Variants in PHF24 observed in about 807,000 individuals in gnomAD.
The protein encoded by PHF24 is Galpha inhibitory interacting protein.
Under a neutral mutation model 42.6 loss-of-function variants are expected in PHF24, and 25 were observed. The ratio of observed to expected loss-of-function variants is 0.59; its 90% confidence interval spans 0.43 to 0.82. PHF24 has a LOEUF of 0.82. PHF24 is among the 40% of genes least tolerant of loss of function. PHF24 has a pLI of 0.00. For synonymous variants in PHF24, 185 were observed against 204.8 expected, an observed-to-expected ratio of 0.90 and a Z score of 0.83; for missense variants, 470 against 538.1, an observed-to-expected ratio of 0.87 and a Z score of 1.25.
At chr9:34,824,246 G>A in the PHF24 span, among the ~76,000 whole-genome samples, 2 of 152,004 alleles carry the variant, frequency 1.3e-5, no homozygotes, top group African/African-American at 2.4e-5. Context: ...GAGTCTGGGG[G>A]CATGGCTGTT....
At chr9:34,907,731 T>G in the PHF24 span, among the ~76,000 whole-genome samples, 1 of 152,308 alleles carries the variant, frequency 6.6e-6, no homozygotes, top group South Asian at 2.1e-4. Context: ...AATCCTCTTT[T>G]TGGATTGTCT....
the PHF24 span, chr9:34,710,118 C>G: frequency 6.5e-7 from 1 of 1,540,612 alleles, no homozygotes; most frequent in Middle Eastern, 1.7e-4. Flanking sequence ...AGGTGGGCAG[C>G]TGCAAGTTGG....
the PHF24 span, chr9:34,835,480 C>A: frequency 6.4e-7 from 1 of 1,551,962 alleles, no homozygotes; most frequent in Non-Finnish European, 8.7e-7. Flanking sequence ...TATGCAAGGC[C>A]ATCGGATGCA....
At chr9:34,968,572 A>G (rs1277417327) in intron 1 of PHF24, among the ~76,000 whole-genome samples, 6 of 152,218 alleles carry the variant, frequency 3.9e-5, no homozygotes, top group Non-Finnish European at 8.8e-5. Context: ...AAGAATATGA[A>G]TTTCCTTGGT....
At chr9:34,974,947 C>T (rs150337570) in intron 3 of PHF24, among the ~76,000 whole-genome samples, 248 of 152,272 alleles carry the variant, frequency 1.6e-3, no homozygotes, top group African/African-American at 5.3e-3. Flanking sequence ...GATGCTGCCT[C>T]TAATATCTCT....
the PHF24 span, among the ~76,000 whole-genome samples, chr9:34,935,678 C>G: frequency 0.046 from 6,792 of 146,704 alleles, 197 homozygotes; most frequent in Non-Finnish European, 0.051. Flanking sequence ...GAAAGGATAA[C>G]AGAGAAAAGA....
the PHF24 span, among the ~76,000 whole-genome samples, chr9:34,939,789 C>A: frequency 6.6e-6 from 1 of 152,190 alleles, no homozygotes; most frequent in Non-Finnish European, 1.5e-5. Context: ...ATGGTTCCCA[C>A]AGACCCTTCT....
the PHF24 span, among the ~76,000 whole-genome samples, chr9:34,689,354 T>C: frequency 3.9e-5 from 6 of 152,048 alleles, no homozygotes; most frequent in Non-Finnish European, 8.8e-5. The surrounding 1 kb of genome is among the most constrained non-coding windows in gnomAD (Gnocchi z 4.1). Context: ...CATCAGGTTG[T>C]TAAGTGGAGG....
chr9:34,832,705 T>C, the PHF24 span: 20 of 1,543,090 alleles, frequency 1.3e-5, no homozygotes, highest in East Asian at 1.7e-4. Context: ...TTCTTTTGAG[T>C]ATGGGCTGGC....
the PHF24 span, among the ~76,000 whole-genome samples, chr9:34,846,512 T>A: frequency 3.9e-5 from 6 of 152,038 alleles, no homozygotes; most frequent in Non-Finnish European, 7.4e-5. Flanking sequence ...CTTTGTCAGA[T>A]GAGTAGGTTG....
chr9:34,792,153 A>G, the PHF24 span, among the ~76,000 whole-genome samples: 1 of 152,194 alleles, frequency 6.6e-6, no homozygotes, highest in Non-Finnish European at 1.5e-5. Flanking sequence ...AGGGAGTAGT[A>G]TCTCAGCAGC....
chr9:34,846,918 G>A, the PHF24 span, among the ~76,000 whole-genome samples: 4 of 152,038 alleles, frequency 2.6e-5, no homozygotes, highest in East Asian at 1.9e-4. Flanking sequence ...GTAGATATGC[G>A]GCATTATTTC....
chr9:34,858,757 A>AAAG, the PHF24 span, among the ~76,000 whole-genome samples: 4 of 152,178 alleles, frequency 2.6e-5, no homozygotes, highest in African/African-American at 9.7e-5. Context: ...ATAATTTTTT[A>AAAG]AAGTCTTTGT....
At chr9:34,766,276 G>T in the PHF24 span, among the ~76,000 whole-genome samples, 1 of 152,190 alleles carries the variant, frequency 6.6e-6, no homozygotes, top group Non-Finnish European at 1.5e-5. Flanking sequence ...AGTTCTCCTG[G>T]ATAATATCTT....
chr9:34,874,837 T>C, the PHF24 span, among the ~76,000 whole-genome samples: 1 of 152,138 alleles, frequency 6.6e-6, no homozygotes, highest in Non-Finnish European at 1.5e-5. Context: ...GGGTACATAG[T>C]AAGTGTATAT....
the PHF24 span, among the ~76,000 whole-genome samples, chr9:34,792,168 C>T: frequency 2.6e-5 from 4 of 152,262 alleles, no homozygotes; most frequent in East Asian, 3.9e-4. Flanking sequence ...AGCAGCAAGA[C>T]GAAGTGCTTC....
chr9:34,716,818 G>A, the PHF24 span, among the ~76,000 whole-genome samples: 4 of 152,116 alleles, frequency 2.6e-5, no homozygotes, highest in Non-Finnish European at 4.4e-5. Context: ...ATATTGCCCA[G>A]GCTGGTCTCC....
the PHF24 span, chr9:34,832,371 GT>G: frequency 1.1e-6 from 1 of 903,122 alleles, no homozygotes; most frequent in Non-Finnish European, 1.7e-6. Context: ...GTGGCCTGGG[GT>G]TGAGGCAGAG....
chr9:34,678,165 C>G, the PHF24 span: 2 of 152,346 alleles, frequency 1.3e-5, no homozygotes, highest in Admixed American at 6.5e-5. Context: ...CTGGATGTTT[C>G]CTGCCCTTGA....
Sources: allele counts gnomAD v4.1 joint callset (sites outside exome capture counted in the v4.1 genomes callset), GRCh38; gene constraint gnomAD v4.1.1; non-coding constraint Gnocchi (gnomAD v3.1); transcripts MANE v1.5; gene names NCBI Gene and HGNC (gene_info 2026-07-23, HGNC 2026-07-21).